Variants in EFR3A observed in about 807,000 individuals in gnomAD.
The protein encoded by EFR3A is protein EFR3 homolog A.
Under a neutral mutation model 104.4 loss-of-function variants are expected in EFR3A, and 76 were observed. That is an observed-to-expected ratio of 0.73 (90% CI 0.60 to 0.88). The LOEUF (loss-of-function observed/expected upper bound fraction) is 0.88, where lower values mean the gene tolerates loss of function less well. EFR3A is among the 40% of genes least tolerant of loss of function. The pLI, the probability that EFR3A is intolerant of heterozygous loss-of-function variation, is 0.00. For missense variants in EFR3A, 985 were observed against 1,012.5 expected (o/e 0.97, Z 0.37); for synonymous variants, 330 against 330.0 (o/e 1.00, Z 0.00).
intron 1 of EFR3A, among the ~76,000 whole-genome samples, chr8:131,910,067 G>C (rs1563805931): frequency 6.6e-6 from 1 of 152,180 alleles, no homozygotes; most frequent in African/African-American, 2.4e-5. Flanking sequence ...GGGAGCCAGG[G>C]TGGGCAGGTT....
chr8:131,951,321 A>G (rs1411899931), intron 5 of EFR3A, among the ~76,000 whole-genome samples: 1 of 152,088 alleles, frequency 6.6e-6, no homozygotes, highest in African/African-American at 2.4e-5. Flanking sequence ...TTATTCCTTT[A>G]TTATGAAGTG....
intron 5 of EFR3A, among the ~76,000 whole-genome samples, chr8:131,952,560 C>T (rs1454054951): frequency 6.6e-6 from 1 of 152,144 alleles, no homozygotes; most frequent in African/African-American, 2.4e-5. Context: ...CCACCTTGTG[C>T]TTGGCCTTCT....
intron 7 of EFR3A, among the ~76,000 whole-genome samples, chr8:131,959,335 A>G (rs1160314052): frequency 6.6e-6 from 1 of 152,144 alleles, no homozygotes; most frequent in Non-Finnish European, 1.5e-5. Context: ...TCACAACATT[A>G]AAAAAATGGA....
intron 10 of EFR3A, among the ~76,000 whole-genome samples, chr8:131,974,150 T>G: frequency 6.6e-6 from 1 of 152,190 alleles, no homozygotes; most frequent in Non-Finnish European, 1.5e-5. Flanking sequence ...CCAGATATTC[T>G]GACTTAATTA....
intron 1 of EFR3A, among the ~76,000 whole-genome samples, chr8:131,908,579 G>A (rs1816366544): frequency 6.6e-6 from 1 of 152,100 alleles, no homozygotes; most frequent in Admixed American, 6.5e-5. Context: ...GGCCCTATTT[G>A]ACCTGTTTTA....
At chr8:131,950,567 C>T (rs1387561085) in intron 5 of EFR3A, among the ~76,000 whole-genome samples, 1 of 152,068 alleles carries the variant, frequency 6.6e-6, no homozygotes. Context: ...TAAATGTCAC[C>T]TCTCTCATTC....
chr8:132,005,707 ATAAC>A (rs1185911346), intron 22 of EFR3A, among the ~76,000 whole-genome samples: 6 of 152,210 alleles, frequency 3.9e-5, no homozygotes, highest in Admixed American at 6.5e-5. Flanking sequence ...GTACTAAAAC[ATAAC>A]TAACAAGAAG....
chr8:131,958,080 T>C (rs527725189), intron 7 of EFR3A, among the ~76,000 whole-genome samples: 6 of 152,300 alleles, frequency 3.9e-5, no homozygotes, highest in African/African-American at 1.4e-4. Flanking sequence ...GTTAGCAGGT[T>C]ACTGTAATAA....
chr8:131,920,347 T>A (rs912469063), intron 1 of EFR3A, among the ~76,000 whole-genome samples: 3 of 152,212 alleles, frequency 2.0e-5, no homozygotes, highest in Admixed American at 6.5e-5. Flanking sequence ...TCCCTGTAGC[T>A]CTTGCTTGTG....
At chr8:131,977,362 CTG>C (rs1820377629) in intron 12 of EFR3A, among the ~76,000 whole-genome samples, 1 of 152,086 alleles carries the variant, frequency 6.6e-6, no homozygotes, top group African/African-American at 2.4e-5. Flanking sequence ...GGCCCAGAGA[CTG>C]TGAGTGGAAG....
chr8:131,958,074 G>C (rs1288016118), intron 7 of EFR3A, among the ~76,000 whole-genome samples: 2 of 152,160 alleles, frequency 1.3e-5, no homozygotes, highest in African/African-American at 2.4e-5. Context: ...CAGTATGTTA[G>C]CAGGTTACTG....
intron 19 of EFR3A, 109 bp from the exon 20 acceptor site, chr8:132,001,650 A>G: frequency 2.2e-6 from 2 of 903,740 alleles, no homozygotes; most frequent in Non-Finnish European, 1.8e-6. Flanking sequence ...GACCCAACAC[A>G]AAGAAGAAAA....
intron 22 of EFR3A, among the ~76,000 whole-genome samples, chr8:132,008,406 A>C (rs981814158): frequency 1.3e-5 from 2 of 152,096 alleles, no homozygotes; most frequent in Admixed American, 6.6e-5. Context: ...GTGAATGTTT[A>C]TGACAGTTTT....
At chr8:131,913,150 AATG>A (rs1816591557) in intron 1 of EFR3A, among the ~76,000 whole-genome samples, 1 of 126,958 alleles carries the variant, frequency 7.9e-6, no homozygotes, top group South Asian at 2.4e-4. Flanking sequence ...TTTTTTTTTG[AATG>A]ATCTTGTGTT....
At chr8:131,955,950 T>C (rs1322397596) in intron 7 of EFR3A, 45 bp downstream of exon 7, 9 of 1,602,832 alleles carry the variant, frequency 5.6e-6, no homozygotes, top group Non-Finnish European at 7.7e-6. Flanking sequence ...TTTGCTGTAT[T>C]AATTCTGTGT....
chr8:131,953,976 A>G lies in EFR3A; in HGVS notation c.638+9A>G. 1 of 1,525,380 alleles carries G rather than the reference A, an allele frequency of 6.6e-7. No individual in the cohort carries two copies. The highest frequency in any genetic ancestry group is 1.4e-5 in the African/African-American group (1 of 72,006). The allele number at this position is 1,525,380 out of a possible 1,614,324, so 94.5% of individuals were successfully genotyped here. A position where few individuals can be genotyped will look rare whatever the true frequency, so the allele number is the denominator to read the frequency against. ...ATAGAAGAAGTTGACAGGTATTTAAAAAAATATTAGTGTTGAGACAGTGTT... is the reference window on the plus strand; with the variant it reads ...ATAGAAGAAGTTGACAGGTATTTAAGAAAATATTAGTGTTGAGACAGTGTT... On this transcript the variant is annotated intron_variant, in intron 6 of 22. Coordinates refer to ENST00000254624, the MANE Select transcript of EFR3A (RefSeq NM_015137.6).
At chr8:131,980,048 A>T (rs1820525739) in intron 14 of EFR3A, among the ~76,000 whole-genome samples, 1 of 152,120 alleles carries the variant, frequency 6.6e-6, no homozygotes, top group Non-Finnish European at 1.5e-5. Context: ...TTTGCTATAC[A>T]CTGAGTCAAT....
intron 1 of EFR3A, among the ~76,000 whole-genome samples, chr8:131,905,428 A>C (rs1452908846): frequency 6.6e-6 from 1 of 152,172 alleles, no homozygotes; most frequent in Non-Finnish European, 1.5e-5. Flanking sequence ...AAGGATATTA[A>C]ATTTAAATTG....
At chr8:131,915,548 A>G (rs1350372391) in intron 1 of EFR3A, among the ~76,000 whole-genome samples, 1 of 152,240 alleles carries the variant, frequency 6.6e-6, no homozygotes, top group Non-Finnish European at 1.5e-5. Flanking sequence ...ATAGAAGGGT[A>G]TAAATTGCTA....
Sources: allele counts gnomAD v4.1 joint callset (sites outside exome capture counted in the v4.1 genomes callset), GRCh38; gene constraint gnomAD v4.1.1; transcripts MANE v1.5; gene names NCBI Gene and HGNC (gene_info 2026-07-23, HGNC 2026-07-21).